SPATA7: variants seen among roughly 807,000 people sequenced by gnomAD.
The protein encoded by SPATA7 is spermatogenesis associated 7, also known as spermatogenesis-associated protein 7.
SPATA7 carries 43 observed loss-of-function variants against 51.8 expected under a neutral mutation model. The ratio of observed to expected loss-of-function variants is 0.83; its 90% CI spans 0.65 to 1.07. The LOEUF (loss-of-function observed/expected upper bound fraction) is 1.07. Among genes scored for constraint, SPATA7 ranks in the 50% least tolerant of loss-of-function variants. The pLI is 0.00. For synonymous variants in SPATA7, 230 were observed against 252.8 expected, an observed-to-expected ratio of 0.91 and a Z score of 0.86; for missense variants, 683 against 701.3, an observed-to-expected ratio of 0.97 and a Z score of 0.30.
chr14:88,430,042 A>G (rs2076899316), intron 8 of SPATA7, among the ~76,000 whole-genome samples: 1 of 152,098 alleles, frequency 6.6e-6, no homozygotes, highest in Non-Finnish European at 1.5e-5. Flanking sequence ...AATATTATAC[A>G]TTAATTAGCA....
intron 5 of SPATA7, among the ~76,000 whole-genome samples, chr14:88,425,242 T>C (rs1413719293): frequency 6.6e-6 from 1 of 152,158 alleles, no homozygotes; most frequent in African/African-American, 2.4e-5. Flanking sequence ...TTAGTAGCAG[T>C]GATAGAAGTT....
intron 1 of SPATA7, among the ~76,000 whole-genome samples, chr14:88,390,652 G>T (rs1313445239): frequency 6.6e-6 from 1 of 152,226 alleles, no homozygotes; most frequent in African/African-American, 2.4e-5. Flanking sequence ...CCTGGGCTAA[G>T]AGTAAGGGAA....
intron 4 of SPATA7, among the ~76,000 whole-genome samples, chr14:88,406,299 T>A (rs966925274): frequency 1.2e-4 from 19 of 152,040 alleles, no homozygotes; most frequent in Non-Finnish European, 2.5e-4. Context: ...ATTCACTGAT[T>A]TTTTACTAAA....
chr14:88,465,659 G>A (rs990610575), intron 4 of SPATA7: 1 of 152,136 alleles, frequency 6.6e-6, no homozygotes, highest in Non-Finnish European at 1.5e-5. Flanking sequence ...AAGACACTAA[G>A]ATACATGAAG....
At chr14:88,412,049 A>G (rs1460055007) in intron 4 of SPATA7, among the ~76,000 whole-genome samples, 1 of 152,166 alleles carries the variant, frequency 6.6e-6, no homozygotes. Flanking sequence ...ACTTCTTAGT[A>G]ATAGCCATTC....
At position 88,385,704 on chromosome 14, in the gene SPATA7, T is replaced by G. The variant is rs2075548391; in HGVS notation, c.-115T>G. The G allele has an allele frequency of 1.9e-6, 2 of 1,028,760 alleles. No individual in the cohort carries two copies. The highest frequency in any genetic ancestry group is 3.0e-6 in the Non-Finnish European group (2 of 672,952). 63.7% of individuals were successfully genotyped at this position (1,028,760 alleles called of 1,614,324 possible). A position where few individuals can be genotyped will look rare whatever the true frequency, so the allele number is the denominator to read the frequency against. On this transcript the variant is annotated 5_prime_UTR_variant, in exon 1 of 12. Coordinates refer to ENST00000393545, the MANE Select transcript of SPATA7 (RefSeq NM_018418.5). ...GGCCTGGCAACGGTTTCCCTGCTGCTGCAGCCCCCGTCGGCTCCTCTTTTC... is the reference window on the plus strand; with the variant it reads ...GGCCTGGCAACGGTTTCCCTGCTGCGGCAGCCCCCGTCGGCTCCTCTTTTC...
intron 4 of SPATA7, chr14:88,468,315 A>G (rs1417176628): frequency 1.3e-6 from 2 of 1,507,076 alleles, no homozygotes; most frequent in Non-Finnish European, 1.8e-6. Context: ...CTGGGGAGAC[A>G]GAAAGGATGG....
intron 3 of SPATA7, among the ~76,000 whole-genome samples, chr14:88,445,899 T>C (rs1022922106): frequency 3.9e-5 from 6 of 152,226 alleles, no homozygotes; most frequent in African/African-American, 1.4e-4. Flanking sequence ...AGTATTTTAT[T>C]GAGGATTTTT....
At chr14:88,455,272 C>G (rs777428722) in exon 4 of SPATA7, 1 of 351,076 alleles carries the variant, frequency 2.8e-6, no homozygotes, top group African/African-American at 2.1e-5. Flanking sequence ...AAGATGCATT[C>G]TAACTCTTAA....
intron 4 of SPATA7, among the ~76,000 whole-genome samples, chr14:88,461,900 T>A (rs1336891340): frequency 6.6e-6 from 1 of 152,234 alleles, no homozygotes; most frequent in Non-Finnish European, 1.5e-5. Context: ...TTTGTTTGAC[T>A]TACAGGGGTT....
chr14:88,386,286 A>G (rs1222232956), intron 1 of SPATA7, among the ~76,000 whole-genome samples: 7 of 152,134 alleles, frequency 4.6e-5, no homozygotes, highest in Non-Finnish European at 7.3e-5. Flanking sequence ...TGCAGATAAT[A>G]TAGAGAAGAT....
chr14:88,431,532 G>A (rs2140010375), intron 9 of SPATA7, among the ~76,000 whole-genome samples: 1 of 152,180 alleles, frequency 6.6e-6, no homozygotes, highest in Non-Finnish European at 1.5e-5. Flanking sequence ...TCATCCTATA[G>A]TGGTATAGAA....
chr14:88,424,103 C>A (rs1459206126), intron 5 of SPATA7, among the ~76,000 whole-genome samples: 1 of 152,158 alleles, frequency 6.6e-6, no homozygotes, highest in African/African-American at 2.4e-5. Context: ...CAGGGTACCA[C>A]CAGACTCTTT....
chr14:88,470,246 T>A, exon 5 of SPATA7: 1 of 595,920 alleles, frequency 1.7e-6, no homozygotes, highest in South Asian at 2.1e-5. Context: ...TTACTGACAT[T>A]TTTATAAACT....
chr14:88,462,052 C>G (rs1178523870), intron 4 of SPATA7, among the ~76,000 whole-genome samples: 5 of 152,062 alleles, frequency 3.3e-5, no homozygotes, highest in Non-Finnish European at 5.9e-5. Flanking sequence ...ACTACAAAAC[C>G]TTACCAAAAT....
chr14:88,424,304 A>G (rs570801666), intron 5 of SPATA7, among the ~76,000 whole-genome samples: 2 of 152,354 alleles, frequency 1.3e-5, no homozygotes, highest in African/African-American at 2.4e-5. Context: ...ACTGTAGTCT[A>G]CTGGTTTCCA....
rs1566803689 is a variant in SPATA7, at chr14:88,468,874, C to CTGCCTCCTGGGTTCAGCCTT, written c.255-973_255-972insTGCCTCCTGGGTTCAGCCTT. 4 of 1,613,016 alleles carry CTGCCTCCTGGGTTCAGCCTT rather than the reference C, an allele frequency of 2.5e-6. No homozygotes were observed. The African/African-American group carries it at 5.3e-5, about 22-fold the overall frequency. On this transcript the variant is annotated intron_variant, in intron 4 of 4. Coordinates refer to the SPATA7 transcript ENST00000556406. ...ACTATGTCCCTCTCTTCCCCAGCCT[C>CTGCCTCCTGGGTTCAGCCTT]ATTTCCACCCAAAAAGGCCAGGTGA... is the stretch of plus-strand genomic sequence containing the variant.
Position 88,452,912 on chromosome 14 carries a change from T to C in SPATA7, c.178-2148T>C, listed in dbSNP as rs374284691. Among the ~76,000 whole-genome samples the C allele has an allele frequency of 2.6e-5, 4 of 152,272 alleles. No individual in the cohort carries two copies. In the South Asian group the frequency reaches 6.2e-4, roughly 24 times the overall value. On this transcript the variant is annotated intron_variant, in intron 3 of 3. Transcript: ENST00000554802. Reference sequence around the variant, plus strand: ...CACCTACTCGCTTGTTCTTCACACATAGAGGTCCTCTCTCTCTCCATGTAT... The same window carrying C: ...CACCTACTCGCTTGTTCTTCACACACAGAGGTCCTCTCTCTCTCCATGTAT...
chr14:88,454,938 A>G, intron 3 of SPATA7: 1 of 368,826 alleles, frequency 2.7e-6, no homozygotes, highest in South Asian at 2.1e-5. Flanking sequence ...AGTGGTTCTC[A>G]AACTTTAATG....
Sources: gnomAD v4.1 joint callset for allele counts (sites outside exome capture counted in the v4.1 genomes callset) on GRCh38, gnomAD v4.1.1 for gene constraint, MANE v1.5 for transcripts, NCBI Gene and HGNC (gene_info 2026-07-23, HGNC 2026-07-21) for gene names.